WIPF2: variants seen among roughly 807,000 people sequenced by gnomAD.
The protein encoded by WIPF2 is WAS/WASL interacting protein family member 2, also known as WAS/WASL-interacting protein family member 2.
A neutral mutation model predicts 38.8 loss-of-function variants in WIPF2; 23 were observed. The ratio of observed to expected loss-of-function variants is 0.59; its 90% CI spans 0.43 to 0.84. The LOEUF is 0.84. Ranked by LOEUF, WIPF2 falls within the 40% of genes least tolerant of loss-of-function variation. The pLI is 0.00. For synonymous variants in WIPF2, 210 were observed against 223.2 expected, an observed-to-expected ratio of 0.94 and a Z score of 0.53; for missense variants, 574 against 580.5, an observed-to-expected ratio of 0.99 and a Z score of 0.11.
At chr17:40,265,444 G>A (rs2032059104) in intron 5 of WIPF2, among the ~76,000 whole-genome samples, 2 of 152,186 alleles carry the variant, frequency 1.3e-5, no homozygotes, top group African/African-American at 4.8e-5. Context: ...ATCTTTAATT[G>A]GAGGAGTGGG....
Position 40,277,723 on chromosome 17 carries a change from C to CTTTTTTTTT in WIPF2, c.1283-451_1283-443dup, listed in dbSNP as rs528401568. Among the ~76,000 whole-genome samples, 26 of 97,608 alleles carry CTTTTTTTTT rather than the reference C, an allele frequency of 2.7e-4. 5 individuals carry two copies. The highest frequency in any genetic ancestry group is 1.1e-3 in the African/African-American group (20 of 17,938). 64.0% of individuals were successfully genotyped at this position (97,608 alleles called of 152,430 possible). Reference sequence around the variant, plus strand: ...ATTGCTTCTCATCATCTTCGTTGTCCTTTTTTTTTTTTTTTTTTTGAGATA... The same window carrying CTTTTTTTTT: ...ATTGCTTCTCATCATCTTCGTTGTCCTTTTTTTTTTTTTTTTTTTTTTTTTTTTGAGATA... On this transcript the variant is annotated intron_variant, in intron 7 of 7. Coordinates refer to ENST00000323571, the MANE Select transcript of WIPF2 (RefSeq NM_133264.5).
At chr17:40,239,647 C>T (rs1286831932) in intron 1 of WIPF2, among the ~76,000 whole-genome samples, 1 of 151,664 alleles carries the variant, frequency 6.6e-6, no homozygotes, top group Non-Finnish European at 1.5e-5. Context: ...CCGTCACTGC[C>T]CTTAGCTGTG....
At chr17:40,244,254 G>T (rs2031285426) in intron 1 of WIPF2, among the ~76,000 whole-genome samples, 1 of 152,174 alleles carries the variant, frequency 6.6e-6, no homozygotes, top group Non-Finnish European at 1.5e-5. Flanking sequence ...ATTATTCCCT[G>T]TGTGATTATA....
intron 1 of WIPF2, among the ~76,000 whole-genome samples, chr17:40,230,292 G>C (rs1244367220): frequency 6.6e-6 from 1 of 152,094 alleles, no homozygotes; most frequent in Non-Finnish European, 1.5e-5. Flanking sequence ...GTGAGCTGTT[G>C]CAGCACCACT....
rs2032512863 is a variant in WIPF2 at position 40,280,119 on chromosome 17, ATTC to A, written c.*1900_*1902del. On this transcript the variant is annotated 3_prime_UTR_variant, in exon 8 of 8. Coordinates refer to ENST00000323571, the MANE Select transcript of WIPF2 (RefSeq NM_133264.5). ...TTTTCCTAATCATTTTTTATGTATCATTCTTCTTTCTAATCTGTTAGCAGTTAT... is the reference window on the plus strand; with the variant it reads ...TTTTCCTAATCATTTTTTATGTATCATTCTTTCTAATCTGTTAGCAGTTAT... 6.6e-6 allele frequency: 1 copy of A among 152,172 alleles called. No homozygotes were observed. The highest frequency in any genetic ancestry group is 2.4e-5 in the African/African-American group (1 of 41,428). 9.4% of individuals were successfully genotyped at this position (152,172 alleles called of 1,614,324 possible).
At chr17:40,261,586 C>T (rs577794218) in intron 3 of WIPF2, among the ~76,000 whole-genome samples, 1 of 152,084 alleles carries the variant, frequency 6.6e-6, no homozygotes, top group East Asian at 1.9e-4. Context: ...GCATGAGCCA[C>T]TGTGCCTGGC....
intron 1 of WIPF2, among the ~76,000 whole-genome samples, chr17:40,242,922 C>T (rs905796916): frequency 2.0e-5 from 3 of 152,070 alleles, no homozygotes; most frequent in African/African-American, 7.2e-5. Flanking sequence ...AGGGGTTGGG[C>T]GTGAGGTCAT....
At position 40,242,399 on chromosome 17, in the gene WIPF2, T is replaced by G. The variant is rs77401026; in HGVS notation, c.-69-13992T>G. ...GAAAGAAAGAAAAACCAAGAAATTT[T>G]TTGTTGTTGTTGTTGTTGTTGGTTT... On this transcript the variant is annotated intron_variant, in intron 1 of 7. Transcript: ENST00000323571. Among the ~76,000 whole-genome samples the G allele has an allele frequency of 7.5e-3, 1,126 of 150,888 alleles. 9 individuals carry two copies. Among genetic ancestry groups the G allele is most frequent in the Middle Eastern group, 0.02 (6 of 294 alleles).
chr17:40,242,551 C>T (rs1038689195), intron 1 of WIPF2, among the ~76,000 whole-genome samples: 30 of 152,078 alleles, frequency 2.0e-4, no homozygotes, highest in African/African-American at 7.0e-4. Context: ...AGGCGCCCGC[C>T]GCCACGCCTG....
chr17:40,257,729 C>A (rs543258761), intron 2 of WIPF2, among the ~76,000 whole-genome samples: 162 of 127,004 alleles, frequency 1.3e-3, no homozygotes, highest in Admixed American at 4.3e-3. Flanking sequence ...GGCGACAGAG[C>A]GAGGCTCCAT....
chr17:40,277,556 C>G (rs1208481949), intron 7 of WIPF2, among the ~76,000 whole-genome samples: 1 of 152,000 alleles, frequency 6.6e-6, no homozygotes, highest in Non-Finnish European at 1.5e-5. Flanking sequence ...TGGCACACAC[C>G]TGTAGTCCCA....
intron 6 of WIPF2, among the ~76,000 whole-genome samples, chr17:40,275,616 T>C (rs144390957): frequency 4.0e-4 from 61 of 152,118 alleles, no homozygotes; most frequent in Middle Eastern, 3.4e-3. Flanking sequence ...CAAGCTGGAG[T>C]GCAGTAGCGC....
intron 1 of WIPF2, among the ~76,000 whole-genome samples, chr17:40,252,607 C>T (rs894552142): frequency 2.0e-5 from 3 of 149,054 alleles, no homozygotes; most frequent in African/African-American, 7.4e-5. Flanking sequence ...GAGGTTGCAG[C>T]GAGCCGAGAT....
At chr17:40,248,065 G>C (rs2031428776) in intron 1 of WIPF2, among the ~76,000 whole-genome samples, 1 of 142,672 alleles carries the variant, frequency 7.0e-6, no homozygotes, top group African/African-American at 2.6e-5. Flanking sequence ...TGAACTTTTT[G>C]TTTGATGTGA....
chr17:40,222,581 GTGTGTT>G (rs1567706735), intron 1 of WIPF2, among the ~76,000 whole-genome samples: 1 of 148,238 alleles, frequency 6.7e-6, no homozygotes, highest in African/African-American at 2.5e-5. Context: ...TCATGTGTGT[GTGTGTT>G]TGTGTGTGTG....
Position 40,278,367 on chromosome 17 carries a change from C to A in WIPF2, c.*142C>A. ...CAAGCCCTAGACTCCAAATGTCCTC[C>A]CAGCTCACCTCCATCTATGCATCTC... On this transcript the variant is annotated 3_prime_UTR_variant, in exon 8 of 8. Coordinates refer to ENST00000323571, the MANE Select transcript of WIPF2 (RefSeq NM_133264.5). 1.1e-6 allele frequency: 1 copy of A among 920,796 alleles called. No individual in the cohort carries two copies. Among genetic ancestry groups the A allele is most frequent in the Non-Finnish European group, 1.7e-6 (1 of 601,084 alleles). 57.0% of individuals were successfully genotyped at this position (920,796 alleles called of 1,614,324 possible).
At chr17:40,225,939 A>G (rs1178014241) in intron 1 of WIPF2, among the ~76,000 whole-genome samples, 1 of 152,068 alleles carries the variant, frequency 6.6e-6, no homozygotes, top group Non-Finnish European at 1.5e-5. Flanking sequence ...CAGCCATTAT[A>G]ATTGATTTTC....
rs980520168 is a variant in WIPF2, at chr17:40,219,420, G to C, written c.-142G>C. 7.7e-6 allele frequency: 3 copies of C among 388,420 alleles called. No individual in the cohort carries two copies. Among genetic ancestry groups the C allele is most frequent in the South Asian group, 7.0e-5 (3 of 42,968 alleles). The allele number at this position is 388,420 out of a possible 1,614,324, so 24.1% of individuals were successfully genotyped here. A position where few individuals can be genotyped will look rare whatever the true frequency, so the allele number is the denominator to read the frequency against. On this transcript the variant is annotated 5_prime_UTR_variant, in exon 1 of 8. Coordinates refer to ENST00000323571, the MANE Select transcript of WIPF2 (RefSeq NM_133264.5). ...CGGCGACGGCGAGAAAGAGCTTGCC[G>C]GGGGGCGAGCAGGACAGGACGAAGC...
rs528401568 is a variant in WIPF2, at chr17:40,277,723, C to CTTTTTTTTTTTTTTTTTTTTTTTTTTTT, written c.1283-443_1283-442insTTTTTTTTTTTTTTTTTTTTTTTTTTTT. ...ATTGCTTCTCATCATCTTCGTTGTC[C>CTTTTTTTTTTTTTTTTTTTTTTTTTTTT]TTTTTTTTTTTTTTTTTTTGAGATA... On this transcript the variant is annotated intron_variant, in intron 7 of 7. Coordinates refer to ENST00000323571, the MANE Select transcript of WIPF2 (RefSeq NM_133264.5). Among the ~76,000 whole-genome samples, 127 of 97,592 alleles carry CTTTTTTTTTTTTTTTTTTTTTTTTTTTT rather than the reference C, an allele frequency of 1.3e-3. 22 individuals carry two copies. The highest frequency in any genetic ancestry group is 4.6e-3 in the African/African-American group (83 of 17,922). 64.0% of individuals were successfully genotyped at this position (97,592 alleles called of 152,430 possible). A position where few individuals can be genotyped will look rare whatever the true frequency, so the allele number is the denominator to read the frequency against.
Sources: allele counts gnomAD v4.1 joint callset (sites outside exome capture counted in the v4.1 genomes callset), GRCh38; gene constraint gnomAD v4.1.1; transcripts MANE v1.5; gene names NCBI Gene and HGNC (gene_info 2026-07-23, HGNC 2026-07-21).